Variants in CAMK2B observed in about 807,000 individuals in gnomAD.
CAMK2B encodes calcium/calmodulin dependent protein kinase II beta.
In CAMK2B, 27 loss-of-function variants were observed where a neutral mutation model predicts 93.7. The observed-to-expected ratio is 0.29, with a 90% confidence interval of 0.21 to 0.40. The LOEUF is 0.40. Ranked by LOEUF, CAMK2B falls within the 10% of genes least tolerant of loss-of-function variation. The pLI is 1.00. For synonymous variants in CAMK2B, 374 were observed against 358.8 expected (o/e 1.04, Z -0.48); for missense variants, 568 against 895.8 (o/e 0.63, Z 4.67).
At chr7:44,309,877 A>G (rs939169186) in intron 1 of CAMK2B, among the ~76,000 whole-genome samples, 2 of 152,270 alleles carry the variant, frequency 1.3e-5, no homozygotes, top group African/African-American at 4.8e-5. Flanking sequence ...GCGGCGCTTA[A>G]GAGCCGGTCA....
intron 10 of CAMK2B, among the ~76,000 whole-genome samples, 154 bp downstream of exon 10, chr7:44,242,064 T>A (rs531552060): frequency 6.6e-6 from 1 of 152,210 alleles, no homozygotes; most frequent in African/African-American, 2.4e-5. Flanking sequence ...TGCTGGTATG[T>A]CCCAAGCCAG....
chr7:44,260,675 A>G (rs906984274), intron 3 of CAMK2B, among the ~76,000 whole-genome samples: 12 of 152,190 alleles, frequency 7.9e-5, no homozygotes, highest in Non-Finnish European at 2.9e-5. Context: ...TTCTGTGACC[A>G]TCACTGTCAC....
chr7:44,304,142 G>T (rs1790820075), intron 1 of CAMK2B, among the ~76,000 whole-genome samples: 2 of 152,180 alleles, frequency 1.3e-5, no homozygotes, highest in African/African-American at 2.4e-5. Context: ...TTCATTGTTG[G>T]TAGGAATGCA....
intron 13 of CAMK2B, among the ~76,000 whole-genome samples, chr7:44,236,607 AGCTCAAATCTGCTTCCCTGTG>A (rs1303595788): frequency 6.6e-6 from 1 of 152,172 alleles, no homozygotes; most frequent in South Asian, 2.1e-4. Flanking sequence ...CCCTCGCTGC[AGCTCAAATCTGCTTCCCTGTG>A]GCTCAAATCT....
At chr7:44,226,245 G>A (rs2096475768) in intron 20 of CAMK2B, among the ~76,000 whole-genome samples, 1 of 151,472 alleles carries the variant, frequency 6.6e-6, no homozygotes, top group African/African-American at 2.4e-5. Flanking sequence ...GGACCTCAGG[G>A]TTGCGAATGC....
chr7:44,321,072 G>C (rs1795947107), intron 1 of CAMK2B, among the ~76,000 whole-genome samples: 1 of 152,212 alleles, frequency 6.6e-6, no homozygotes, highest in Non-Finnish European at 1.5e-5. Context: ...CTTGGCCAAG[G>C]CCCCCGAGGC....
chr7:44,221,323 C>A (rs1583698977), intron 20 of CAMK2B, among the ~76,000 whole-genome samples: 1 of 152,192 alleles, frequency 6.6e-6, no homozygotes, highest in Non-Finnish European at 1.5e-5. Context: ...AGCTTCCCGG[C>A]CCCACTCTCC....
intron 20 of CAMK2B, among the ~76,000 whole-genome samples, chr7:44,226,169 G>A (rs1056439817): frequency 3.3e-5 from 5 of 152,122 alleles, no homozygotes; most frequent in Admixed American, 6.5e-5. Flanking sequence ...AGCTCCTGGC[G>A]TGCTAGCCCT....
intron 5 of CAMK2B, among the ~76,000 whole-genome samples, chr7:44,249,753 C>G (rs1278283439): frequency 6.6e-6 from 1 of 152,160 alleles, no homozygotes; most frequent in African/African-American, 2.4e-5. Context: ...GAGAGTTGAA[C>G]CTTCCTCATC....
At chr7:44,258,996 T>C in intron 3 of CAMK2B, 70 bp from the exon 4 acceptor site, 1 of 1,351,992 alleles carries the variant, frequency 7.4e-7, no homozygotes, top group Non-Finnish European at 1.1e-6. Flanking sequence ...CCTCCGTACC[T>C]GTCCAGGCAC....
intron 13 of CAMK2B, among the ~76,000 whole-genome samples, chr7:44,239,162 C>T (rs567551940): frequency 1.3e-5 from 2 of 152,322 alleles, no homozygotes; most frequent in Non-Finnish European, 2.9e-5. Flanking sequence ...TCCATGCGGC[C>T]CCAGAGGGGC....
At chr7:44,254,918 T>C (rs1337921807) in intron 4 of CAMK2B, among the ~76,000 whole-genome samples, 2 of 151,226 alleles carry the variant, frequency 1.3e-5, no homozygotes, top group Admixed American at 6.6e-5. Flanking sequence ...TTATACTCCA[T>C]TTTTATGGAT....
intron 1 of CAMK2B, among the ~76,000 whole-genome samples, chr7:44,322,044 G>A (rs912337065): frequency 3.9e-5 from 6 of 152,224 alleles, no homozygotes; most frequent in Admixed American, 1.3e-4. Context: ...GGGCCGTGAC[G>A]GTGCTGGCCA....
chr7:44,306,431 C>T (rs1321902254), intron 1 of CAMK2B, among the ~76,000 whole-genome samples: 2 of 152,234 alleles, frequency 1.3e-5, no homozygotes, highest in African/African-American at 4.8e-5. Flanking sequence ...TGCCCCAGAA[C>T]AATGGCCATG....
intron 1 of CAMK2B, among the ~76,000 whole-genome samples, chr7:44,295,600 A>T (rs1163531237): frequency 6.6e-6 from 1 of 152,228 alleles, no homozygotes; most frequent in Non-Finnish European, 1.5e-5. Context: ...GTGCACCCAC[A>T]CTTTTGTAAG....
intron 20 of CAMK2B, among the ~76,000 whole-genome samples, chr7:44,222,915 G>A (rs2096429748): frequency 6.6e-6 from 1 of 152,164 alleles, no homozygotes. Context: ...GCCTGGGAAC[G>A]CCTGTGCTGC....
chr7:44,303,430 A>T (rs1476262518), intron 1 of CAMK2B, among the ~76,000 whole-genome samples: 1 of 152,206 alleles, frequency 6.6e-6, no homozygotes, highest in Non-Finnish European at 1.5e-5. Flanking sequence ...GAGTCAAAAG[A>T]TACATAATAC....
chr7:44,307,037 GA>G (rs1791944412), intron 1 of CAMK2B, among the ~76,000 whole-genome samples: 1 of 135,134 alleles, frequency 7.4e-6, no homozygotes, highest in Non-Finnish European at 1.6e-5. Flanking sequence ...TGAGCAGGGA[GA>G]GGAGGCGGTG....
Position 44,290,402 on chromosome 7 carries a change from G to C in CAMK2B, c.66-6177C>G, listed in dbSNP as rs138183936. On this transcript the variant is annotated intron_variant, in intron 1 of 23. Transcript: ENST00000395749. ...AGGTCCTTCTGGAAGAGTCTGGGCC[G>C]GCCACAGAAGCACTCTCAGGCCGAC... 2.2e-3 allele frequency among the ~76,000 whole-genome samples: 340 copies of C among 152,332 alleles called. 1 individual carries two copies. Among genetic ancestry groups the C allele is most frequent in the African/African-American group, 7.5e-3 (310 of 41,570 alleles).
Sources: gnomAD v4.1 joint callset for allele counts (sites outside exome capture counted in the v4.1 genomes callset) on GRCh38, gnomAD v4.1.1 for gene constraint, MANE v1.5 for transcripts, NCBI Gene and HGNC (gene_info 2026-07-23, HGNC 2026-07-21) for gene names.